The following NDUFAF5 variants were observed in gnomAD, a reference collection of about 807,000 sequenced individuals.
The protein encoded by NDUFAF5 is NADH:ubiquinone oxidoreductase complex assembly factor 5.
Under a neutral mutation model 48.9 loss-of-function variants are expected in NDUFAF5, and 34 were observed. The observed-to-expected ratio is 0.70, with a 90% CI of 0.53 to 0.93. The LOEUF is 0.93. Ranked by LOEUF, NDUFAF5 falls within the 40% of genes least tolerant of loss-of-function variation. The probability of loss-of-function intolerance (pLI) is 0.00; values close to 1 mark genes in which losing one functional copy is unlikely to be tolerated. For missense variants in NDUFAF5, 428 were observed against 427.5 expected (o/e 1.00, Z -0.01); for synonymous variants, 153 against 150.6 (o/e 1.02, Z -0.12).
chr20:13,795,155 C>T (rs185820590), intron 5 of NDUFAF5, among the ~76,000 whole-genome samples: 4 of 152,136 alleles, frequency 2.6e-5, no homozygotes, highest in Non-Finnish European at 4.4e-5. Flanking sequence ...GGTAGCTGGG[C>T]GTGGTGGCAT....
intron 8 of NDUFAF5, among the ~76,000 whole-genome samples, chr20:13,809,501 G>A (rs1393819467): frequency 6.6e-6 from 1 of 152,214 alleles, no homozygotes; most frequent in African/African-American, 2.4e-5. Context: ...AACATAGCAA[G>A]AACTGAAAGA....
In NDUFAF5 at chr20:13,787,321, C is replaced by G. The variant is rs761333847; in HGVS notation, c.232C>G (p.Arg78Gly). The stretch of plus-strand genomic sequence containing the variant: ...TCGTGTAATCCTTCAGGTTGGAAGT[C>G]GGATCGCAGACCGTGTATATGACAT... Reference protein sequence around the residue: ...FDYLKEEVGSRIADRVYDIPR... With the variant: ...FDYLKEEVGSGIADRVYDIPR... The change falls in exon 2 of 11, where the codon CGG (arginine) becomes GGG (glycine). Residue 78 changes from arginine (R) to glycine (G), a missense_variant. Arg to Gly is a moderately radical substitution (Grantham distance 125, BLOSUM62 -2). Transcript: ENST00000378106. The G allele has an allele frequency of 1.4e-5, 23 of 1,613,916 alleles. No individual in the cohort carries two copies. Among genetic ancestry groups the G allele is most frequent in the Non-Finnish European group, 1.9e-5 (22 of 1,179,968 alleles).
chr20:13,787,443 G>C lies in NDUFAF5; in HGVS notation c.263+91G>C. On this transcript the variant is annotated intron_variant, in intron 2 of 10. Transcript: ENST00000378106. Reference sequence around the variant, plus strand: ...TGAGAACTTGCTATCTGAAATGGCAGAACCTGGAAGAATTTACTCAGACTG... The same window carrying C: ...TGAGAACTTGCTATCTGAAATGGCACAACCTGGAAGAATTTACTCAGACTG... 3 of 1,174,832 alleles carry C rather than the reference G, an allele frequency of 2.6e-6. No homozygotes were observed. In the South Asian group the frequency reaches 3.7e-5, roughly 14 times the overall value. 72.8% of individuals were successfully genotyped at this position (1,174,832 alleles called of 1,614,324 possible). A position where few individuals can be genotyped will look rare whatever the true frequency, so the allele number is the denominator to read the frequency against.
chr20:13,793,159 G>C, intron 3 of NDUFAF5, 21 bp from the exon 4 acceptor site: 1 of 1,613,744 alleles, frequency 6.2e-7, no homozygotes. Context: ...GTTTGTTTCA[G>C]CTTCAGTTAT....
Position 13,785,143 on chromosome 20 carries a change from C to T in NDUFAF5, c.75C>T (p.Gly25=). The T allele has an allele frequency of 1.9e-6, 3 of 1,613,976 alleles. No homozygotes were observed. Among genetic ancestry groups the T allele is most frequent in the Non-Finnish European group, 1.7e-6 (2 of 1,179,978 alleles). The change falls in exon 1 of 11, where the codon GGC becomes GGT. Residue 25 remains glycine, a synonymous_variant. Coordinates refer to ENST00000378106, the MANE Select transcript of NDUFAF5 (RefSeq NM_024120.5). ...CGAGGGTCCCAGCGGAGAATCTTGG[C>T]CGTAGGGAAGTCACCTCTGGTGTCT... ...WAARVPAENL[G]RREVTSGVSP...
intron 3 of NDUFAF5, among the ~76,000 whole-genome samples, chr20:13,791,836 T>TG (rs1363892241): frequency 6.6e-6 from 1 of 152,206 alleles, no homozygotes; most frequent in Non-Finnish European, 1.5e-5. Flanking sequence ...ATAGTAGTGT[T>TG]CATCAGTGTG....
chr20:13,798,937 G>A lies in NDUFAF5; in HGVS notation c.519+437G>A, dbSNP rs180718015. On this transcript the variant is annotated intron_variant, in intron 6 of 10. Transcript: ENST00000378106. ...TAGACAGGTGAGAGGCAGGTAAAAA[G>A]TATGTGTTCAAAGGAGAGAACAAGA... Among the ~76,000 whole-genome samples the A allele has an allele frequency of 2.0e-5, 3 of 152,286 alleles. No individual in the cohort carries two copies. The East Asian group carries it at 5.8e-4, about 29-fold the overall frequency.
rs1050757591 is a variant in NDUFAF5, at chr20:13,788,744, T to A, written c.327+92T>A. ...CCTAATCAGTTTAGCTTGCAACATA[T>A]TTAGATTTTAATTATATCAGAATTG... On this transcript the variant is annotated intron_variant, in intron 3 of 10. Coordinates refer to ENST00000378106, the MANE Select transcript of NDUFAF5 (RefSeq NM_024120.5). 2.1e-5 allele frequency: 17 copies of A among 815,316 alleles called. No homozygotes were observed. The African/African-American group carries it at 2.6e-4, about 12-fold the overall frequency. The allele number at this position is 815,316 out of a possible 1,614,324, so 50.5% of individuals were successfully genotyped here.
chr20:13,808,574 A>G (rs1211075860), intron 7 of NDUFAF5, among the ~76,000 whole-genome samples: 2 of 152,134 alleles, frequency 1.3e-5, no homozygotes, highest in Non-Finnish European at 2.9e-5. Context: ...TAGGGTACAG[A>G]ATACTCTTAT....
At chr20:13,790,415 A>G (rs146413258) in intron 3 of NDUFAF5, among the ~76,000 whole-genome samples, 109 of 152,250 alleles carry the variant, frequency 7.2e-4, no homozygotes, top group African/African-American at 2.4e-3. Flanking sequence ...TTTTATTTGC[A>G]TTTCAAAATA....
chr20:13,794,333 G>A (rs2147513218), intron 4 of NDUFAF5, among the ~76,000 whole-genome samples: 1 of 151,846 alleles, frequency 6.6e-6, no homozygotes, highest in African/African-American at 2.4e-5. Flanking sequence ...AGGCTGGAGT[G>A]CAGTGGTGCG....
chr20:13,799,720 A>G (rs1402101076), intron 6 of NDUFAF5, among the ~76,000 whole-genome samples: 1 of 151,266 alleles, frequency 6.6e-6, no homozygotes, highest in Non-Finnish European at 1.5e-5. Flanking sequence ...AAAGAAAGAA[A>G]CTGATGCCTG....
rs1218917674 is a variant in NDUFAF5 at position 13,817,427 on chromosome 20, C to G, written c.*217C>G. ...ATACTGCTGAGTGTCTTTGCAGATTCAGCCTAAAAGCAAAGAAAATATTTC... is the reference window on the plus strand; with the variant it reads ...ATACTGCTGAGTGTCTTTGCAGATTGAGCCTAAAAGCAAAGAAAATATTTC... On this transcript the variant is annotated 3_prime_UTR_variant, in exon 11 of 11. Coordinates refer to ENST00000378106, the MANE Select transcript of NDUFAF5 (RefSeq NM_024120.5). The G allele has an allele frequency of 4.5e-6, 3 of 668,222 alleles. No homozygotes were observed. Among genetic ancestry groups the G allele is most frequent in the East Asian group, 5.9e-5 (2 of 33,988 alleles). 41.4% of individuals were successfully genotyped at this position (668,222 alleles called of 1,614,324 possible).
At chr20:13,814,567 G>A (rs1306701138) in intron 8 of NDUFAF5, 12 of 903,422 alleles carry the variant, frequency 1.3e-5, no homozygotes, top group African/African-American at 1.7e-5. Flanking sequence ...TTAGTAAACT[G>A]TAATAAATTA....
At chr20:13,813,255 G>A (rs1387186910) in intron 8 of NDUFAF5, among the ~76,000 whole-genome samples, 1 of 152,156 alleles carries the variant, frequency 6.6e-6, no homozygotes, top group Non-Finnish European at 1.5e-5. Context: ...GTTTTAAATA[G>A]ACCGTATATT....
At chr20:13,798,572 A>C in intron 6 of NDUFAF5, 72 bp downstream of exon 6, 2 of 1,160,820 alleles carry the variant, frequency 1.7e-6, no homozygotes. Flanking sequence ...AGATGTTTCT[A>C]TTTTCACATA....
At chr20:13,807,795 A>T (rs1568775114) in intron 7 of NDUFAF5, among the ~76,000 whole-genome samples, 1 of 151,878 alleles carries the variant, frequency 6.6e-6, no homozygotes, top group Non-Finnish European at 1.5e-5. Context: ...TACAAAAAAA[A>T]AAAATTAGCT....
chr20:13,815,653 AAAAC>A (rs374589926), intron 8 of NDUFAF5, among the ~76,000 whole-genome samples: 47 of 152,258 alleles, frequency 3.1e-4, no homozygotes, highest in African/African-American at 1.0e-3. Flanking sequence ...TGAAAGTAGA[AAAAC>A]AAAACTAAGA....
intron 8 of NDUFAF5, among the ~76,000 whole-genome samples, chr20:13,809,568 G>A (rs1371961266): frequency 6.6e-6 from 1 of 152,198 alleles, no homozygotes; most frequent in Non-Finnish European, 1.5e-5. Flanking sequence ...TGATGACCTT[G>A]GTGGGTCAAC....
Sources: allele counts gnomAD v4.1 joint callset (sites outside exome capture counted in the v4.1 genomes callset), GRCh38; gene constraint gnomAD v4.1.1; transcripts MANE v1.5; gene names NCBI Gene and HGNC (gene_info 2026-07-23, HGNC 2026-07-21).